UGGT2: variants seen among roughly 807,000 people sequenced by gnomAD.
The protein encoded by UGGT2 is UDP-glucose:glycoprotein glucosyltransferase 2.
In UGGT2, 180 loss-of-function variants were observed where a neutral mutation model predicts 192.1. That is an observed-to-expected ratio of 0.94 (90% confidence interval 0.83 to 1.06). UGGT2 has a LOEUF of 1.06. Ranked by LOEUF, UGGT2 falls within the 50% of genes least tolerant of loss-of-function variation. UGGT2 has a pLI of 0.00. For missense variants in UGGT2, 1,849 were observed against 1,795.7 expected (o/e 1.03, Z -0.54); for synonymous variants, 580 against 591.0 (o/e 0.98, Z 0.27).
intron 5 of UGGT2, among the ~76,000 whole-genome samples, chr13:96,008,613 A>T (rs191569292): frequency 6.6e-6 from 1 of 152,346 alleles, no homozygotes; most frequent in Admixed American, 6.5e-5. Flanking sequence ...CAAATCAGGA[A>T]TGTAATCCCA....
At chr13:96,023,797 T>G in intron 2 of UGGT2, 38 bp from the exon 3 acceptor site, 1 of 1,520,276 alleles carries the variant, frequency 6.6e-7, no homozygotes. Context: ...ATGTTAGCAT[T>G]TTATACACTG....
At position 95,940,109 on chromosome 13, in the gene UGGT2, T is replaced by C. The variant is rs972914562; in HGVS notation, c.1678-18A>G. 2 of 1,414,870 alleles carry C rather than the reference T, an allele frequency of 1.4e-6. No homozygotes were observed. The highest frequency in any genetic ancestry group is 1.4e-5 in the South Asian group (1 of 69,778). 87.6% of individuals were successfully genotyped at this position (1,414,870 alleles called of 1,614,324 possible). A position where few individuals can be genotyped will look rare whatever the true frequency, so the allele number is the denominator to read the frequency against. Reference sequence around the variant, plus strand: ...TGGTACATCTGTGAAAATTTAGATATTATAATTAATTTTCTTCTTATAGCA... The same window carrying C: ...TGGTACATCTGTGAAAATTTAGATACTATAATTAATTTTCTTCTTATAGCA... On this transcript the variant is annotated intron_variant, in intron 15 of 38. Transcript: ENST00000376747.
intron 32 of UGGT2, among the ~76,000 whole-genome samples, 194 bp downstream of exon 32, chr13:95,860,590 CGTGT>C (rs571787962): frequency 6.7e-6 from 1 of 148,672 alleles, no homozygotes; most frequent in South Asian, 2.1e-4. Context: ...TATATATTTA[CGTGT>C]GTGTGTGTGT....
At position 95,900,923 on chromosome 13, in the gene UGGT2, C is replaced by G; in HGVS notation, c.2518G>C (p.Ala840Pro). 2 of 1,591,640 alleles carry G rather than the reference C, an allele frequency of 1.3e-6. No individual in the cohort carries two copies. The highest frequency in any genetic ancestry group is 1.7e-6 in the Non-Finnish European group (2 of 1,171,780). ...TFLIEGMDKN[A>P]FEKKYNTVGV... ...ACAGTATTATATTTTTTCTCAAAAG[C>G]ATTCTTATCCATCCCCTAAAGCAAA... The change falls in exon 22 of 39, where the codon GCT becomes CCT. Residue 840 changes from alanine (A) to proline (P), a missense_variant. Coordinates refer to ENST00000376747, the MANE Select transcript of UGGT2 (RefSeq NM_020121.4).
chr13:95,861,063 GT>G (rs887055822), intron 31 of UGGT2, among the ~76,000 whole-genome samples, 180 bp from the exon 32 acceptor site: 59 of 151,434 alleles, frequency 3.9e-4, no homozygotes, highest in Non-Finnish European at 6.8e-4. Flanking sequence ...AGCTTTATGA[GT>G]TTTTTTTTAA....
intron 4 of UGGT2, among the ~76,000 whole-genome samples, chr13:96,019,050 A>G (rs535515828): frequency 2.0e-4 from 29 of 147,138 alleles, no homozygotes; most frequent in African/African-American, 6.5e-4. Context: ...TTGATAAGAT[A>G]TCACAAACCC....
intron 38 of UGGT2, among the ~76,000 whole-genome samples, chr13:95,813,579 G>A (rs1884678432): frequency 6.6e-6 from 1 of 152,190 alleles, no homozygotes; most frequent in Admixed American, 6.5e-5. Context: ...TGTAAAAGTG[G>A]AAAATTTGCA....
At chr13:95,807,378 T>C (rs1884356256) in intron 38 of UGGT2, among the ~76,000 whole-genome samples, 1 of 152,098 alleles carries the variant, frequency 6.6e-6, no homozygotes, top group South Asian at 2.1e-4. Flanking sequence ...GCACACTCAG[T>C]GTAACTTCAC....
intron 10 of UGGT2, among the ~76,000 whole-genome samples, chr13:95,983,070 A>C (rs2051177598): frequency 6.6e-6 from 1 of 152,164 alleles, no homozygotes; most frequent in Admixed American, 6.5e-5. Context: ...AGTAAACACT[A>C]GCTTTTCTAG....
At chr13:95,839,028 G>C (rs532057313) in intron 36 of UGGT2, among the ~76,000 whole-genome samples, 1 of 152,066 alleles carries the variant, frequency 6.6e-6, no homozygotes, top group East Asian at 1.9e-4. Context: ...ACTCTCAACT[G>C]TCTTATTCTT....
chr13:95,918,860 T>C (rs777404324), intron 20 of UGGT2, among the ~76,000 whole-genome samples: 2 of 152,130 alleles, frequency 1.3e-5, no homozygotes, highest in Non-Finnish European at 2.9e-5. Context: ...ATTCCTCCCT[T>C]ACTCATTCTA....
chr13:95,854,586 T>A (rs1314933658), intron 34 of UGGT2, 111 bp from the exon 35 acceptor site: 21 of 931,690 alleles, frequency 2.3e-5, no homozygotes, highest in African/African-American at 3.4e-5. Flanking sequence ...AGAGCTGTAT[T>A]GTCCTCACAG....
intron 29 of UGGT2, among the ~76,000 whole-genome samples, chr13:95,873,732 C>G (rs1891423612): frequency 6.6e-6 from 1 of 152,110 alleles, no homozygotes; most frequent in East Asian, 1.9e-4. Flanking sequence ...TTTGCACCCC[C>G]CATTGGAAGA....
intron 4 of UGGT2, among the ~76,000 whole-genome samples, chr13:96,016,007 G>A (rs922736890): frequency 6.6e-6 from 1 of 152,174 alleles, no homozygotes; most frequent in African/African-American, 2.4e-5. Context: ...TGGCTGCATT[G>A]TGCTTATGCC....
intron 36 of UGGT2, among the ~76,000 whole-genome samples, chr13:95,852,509 TA>T (rs1159543996): frequency 6.6e-6 from 1 of 152,198 alleles, no homozygotes; most frequent in Non-Finnish European, 1.5e-5. Context: ...CTTTAAATAT[TA>T]TTTTTAAAAT....
chr13:95,965,912 T>G (rs61972943), intron 12 of UGGT2, among the ~76,000 whole-genome samples: 3,916 of 152,074 alleles, frequency 0.026, 59 homozygotes, highest in Non-Finnish European at 0.034. Flanking sequence ...GGTGAGGATG[T>G]GGAAAAAAGG....
chr13:95,894,926 T>G (rs535100446), intron 23 of UGGT2, among the ~76,000 whole-genome samples: 11 of 152,186 alleles, frequency 7.2e-5, no homozygotes, highest in African/African-American at 2.6e-4. Flanking sequence ...GGTTACCTCT[T>G]GGGGAGGGAG....
In UGGT2 at chr13:95,996,118, C is replaced by CAGTA; in HGVS notation, c.771_774dup (p.Val259TyrfsTer5). ...TCATTTGTTTCAGTCTCATCCTCTA[C>CAGTA]AGTAGTATTAGTCACAGCTACATTT... On this transcript the variant is annotated frameshift_variant, in exon 7 of 39. Transcript: ENST00000376747. LOFTEE classifies it high-confidence loss of function. 2 of 1,612,874 alleles carry CAGTA rather than the reference C, an allele frequency of 1.2e-6. No individual in the cohort carries two copies. Among genetic ancestry groups the CAGTA allele is most frequent in the Non-Finnish European group, 1.7e-6 (2 of 1,179,628 alleles).
chr13:95,915,547 A>C (rs1408901675), intron 20 of UGGT2, among the ~76,000 whole-genome samples: 4 of 152,242 alleles, frequency 2.6e-5, no homozygotes, highest in Non-Finnish European at 5.9e-5. Flanking sequence ...TATGAAAAGG[A>C]CATACTTATT....
Sources: gnomAD v4.1 joint callset for allele counts (sites outside exome capture counted in the v4.1 genomes callset) on GRCh38, gnomAD v4.1.1 for gene constraint, MANE v1.5 for transcripts, NCBI Gene and HGNC (gene_info 2026-07-23, HGNC 2026-07-21) for gene names.